The following GABRG3 variants were observed in gnomAD, a reference collection of about 807,000 sequenced individuals.
GABRG3 encodes gamma-aminobutyric acid type A receptor subunit gamma3, also known as gamma-aminobutyric acid receptor subunit gamma-3.
Under a neutral mutation model 48.8 loss-of-function variants are expected in GABRG3, and 25 were observed. That is an observed-to-expected ratio of 0.51 (90% CI 0.37 to 0.72). GABRG3 has a LOEUF of 0.72. Ranked by LOEUF, GABRG3 falls within the 30% of genes least tolerant of loss-of-function variation. GABRG3 has a pLI of 0.00. For missense variants in GABRG3, 394 were observed against 577.9 expected (o/e 0.68, Z 3.26); for synonymous variants, 227 against 217.6 (o/e 1.04, Z -0.38).
At chr15:27,246,691 G>T (rs1890280794) in intron 3 of GABRG3, among the ~76,000 whole-genome samples, 1 of 152,110 alleles carries the variant, frequency 6.6e-6, no homozygotes, top group Non-Finnish European at 1.5e-5. Context: ...AGCATCAGTA[G>T]TTGCCTTGAA....
chr15:27,046,395 C>T (rs946727803), intron 3 of GABRG3, among the ~76,000 whole-genome samples: 9 of 152,308 alleles, frequency 5.9e-5, no homozygotes, highest in South Asian at 2.1e-4. Flanking sequence ...TGAGCCACCA[C>T]GCTTGGCCCC....
intron 2 of GABRG3, among the ~76,000 whole-genome samples, chr15:27,018,848 C>G (rs901109415): frequency 6.6e-6 from 1 of 152,084 alleles, no homozygotes; most frequent in Non-Finnish European, 1.5e-5. Flanking sequence ...AATTCTTCCA[C>G]TTAGTCCCCA....
chr15:27,351,415 GTGTGTGTA>G (rs1303719813), intron 5 of GABRG3, among the ~76,000 whole-genome samples: 2 of 146,092 alleles, frequency 1.4e-5, no homozygotes, highest in African/African-American at 5.1e-5. Flanking sequence ...TAGTGTTTGT[GTGTGTGTA>G]TGTGTGTATG....
chr15:27,481,339 A>G (rs942924741), intron 6 of GABRG3: 6 of 825,744 alleles, frequency 7.3e-6, no homozygotes, highest in Non-Finnish European at 2.9e-6. Flanking sequence ...GCCTATGAAT[A>G]TATGTGAATG....
chr15:27,019,214 G>A (rs4243104), intron 2 of GABRG3, among the ~76,000 whole-genome samples: 14,721 of 151,542 alleles, frequency 0.097, 989 homozygotes, highest in Middle Eastern at 0.15. Flanking sequence ...GACTACAGGC[G>A]CCCGCCACCA....
At chr15:27,104,317 C>T (rs2140366855) in intron 3 of GABRG3, among the ~76,000 whole-genome samples, 1 of 152,332 alleles carries the variant, frequency 6.6e-6, no homozygotes, top group East Asian at 1.9e-4. Flanking sequence ...GTTAAATCGA[C>T]CAAGTGCTGT....
chr15:27,063,066 C>T (rs372481454), intron 3 of GABRG3, among the ~76,000 whole-genome samples: 3 of 152,166 alleles, frequency 2.0e-5, no homozygotes, highest in African/African-American at 7.2e-5. Context: ...GTTTTCCCCC[C>T]CAATGAGGAA....
chr15:27,521,585 CT>C (rs1247068953), intron 7 of GABRG3, among the ~76,000 whole-genome samples: 2 of 151,962 alleles, frequency 1.3e-5, no homozygotes, highest in Non-Finnish European at 2.9e-5. Context: ...TAGGCATGGA[CT>C]TTAACAACAG....
At chr15:27,404,357 A>C (rs74006926) in intron 5 of GABRG3, among the ~76,000 whole-genome samples, 8,180 of 152,130 alleles carry the variant, frequency 0.054, 732 homozygotes, top group African/African-American at 0.19. Flanking sequence ...CAAGTTCCTC[A>C]CTGGTAGCTG....
intron 5 of GABRG3, among the ~76,000 whole-genome samples, chr15:27,381,777 C>T (rs62001348): frequency 0.096 from 14,630 of 152,180 alleles, 799 homozygotes; most frequent in East Asian, 0.18. Context: ...CTTTCTTATA[C>T]GTAGGATCCA....
At chr15:27,104,372 G>C (rs776255418) in intron 3 of GABRG3, among the ~76,000 whole-genome samples, 1 of 152,338 alleles carries the variant, frequency 6.6e-6, no homozygotes, top group East Asian at 1.9e-4. Flanking sequence ...CCAAAGTGGC[G>C]CGTGAGTTTG....
intron 3 of GABRG3, among the ~76,000 whole-genome samples, chr15:27,287,618 G>A (rs1321022483): frequency 1.3e-5 from 2 of 151,978 alleles, no homozygotes; most frequent in Non-Finnish European, 2.9e-5. Context: ...TATGAATGAA[G>A]GAAGGTTTTT....
At chr15:27,222,770 A>T (rs1889493171) in intron 3 of GABRG3, among the ~76,000 whole-genome samples, 1 of 152,170 alleles carries the variant, frequency 6.6e-6, no homozygotes, top group African/African-American at 2.4e-5. Flanking sequence ...GATTCCAGCC[A>T]TGGCGACTGC....
intron 3 of GABRG3, among the ~76,000 whole-genome samples, chr15:27,095,294 C>T (rs894185775): frequency 3.3e-5 from 5 of 152,216 alleles, no homozygotes; most frequent in African/African-American, 9.6e-5. Flanking sequence ...GCATGGATTA[C>T]AGAACTTCAC....
chr15:27,209,911 C>T (rs994458263), intron 3 of GABRG3, among the ~76,000 whole-genome samples: 13 of 152,158 alleles, frequency 8.5e-5, no homozygotes, highest in Admixed American at 6.6e-4. Context: ...TTCCTCTGCA[C>T]GTGCATCCCT....
At chr15:27,232,535 A>C (rs1233102740) in intron 3 of GABRG3, among the ~76,000 whole-genome samples, 6 of 152,086 alleles carry the variant, frequency 3.9e-5, no homozygotes, top group Non-Finnish European at 5.9e-5. Flanking sequence ...CAAGGAAGAG[A>C]CCCGGGATAC....
chr15:27,141,112 C>T (rs1566945537), intron 3 of GABRG3, among the ~76,000 whole-genome samples: 1 of 152,074 alleles, frequency 6.6e-6, no homozygotes, highest in African/African-American at 2.4e-5. Flanking sequence ...TGGATAGAAG[C>T]TTAGCTTTTG....
chr15:27,182,886 C>CG (rs1294298761), intron 3 of GABRG3, among the ~76,000 whole-genome samples: 1 of 152,156 alleles, frequency 6.6e-6, no homozygotes, highest in Non-Finnish European at 1.5e-5. Context: ...CCAGTGTTTA[C>CG]GGGAAACCTG....
intron 3 of GABRG3, among the ~76,000 whole-genome samples, chr15:27,089,071 T>C (rs1463461157): frequency 6.6e-6 from 1 of 152,036 alleles, no homozygotes; most frequent in Non-Finnish European, 1.5e-5. Flanking sequence ...TCTTAAGGCC[T>C]GGGCAATGAC....
Sources: allele counts gnomAD v4.1 joint callset (sites outside exome capture counted in the v4.1 genomes callset), GRCh38; gene constraint gnomAD v4.1.1; transcripts MANE v1.5; gene names NCBI Gene and HGNC (gene_info 2026-07-23, HGNC 2026-07-21).